MAP2: variants seen among roughly 807,000 people sequenced by gnomAD.
MAP2 encodes microtubule-associated protein 2.
In MAP2, 14 loss-of-function variants were observed where a neutral mutation model predicts 137.6. The observed-to-expected ratio is 0.10, with a 90% CI of 0.07 to 0.16. The LOEUF (loss-of-function observed/expected upper bound fraction) is 0.16, where lower values mean the gene tolerates loss of function less well. Among genes scored for constraint, MAP2 ranks in the 10% least tolerant of loss-of-function variants. The pLI is 1.00. For synonymous variants in MAP2, 786 were observed against 782.3 expected (o/e 1.00, Z -0.08); for missense variants, 2,088 against 2,191.5 (o/e 0.95, Z 0.94).
chr2:209,547,878 C>A (rs1423874571), intron 2 of MAP2, among the ~76,000 whole-genome samples: 3 of 152,104 alleles, frequency 2.0e-5, no homozygotes, highest in Non-Finnish European at 4.4e-5. Flanking sequence ...GGCTGGAATT[C>A]TTTCACATTT....
chr2:209,710,661 A>G (rs1289980205), intron 13 of MAP2: 1 of 163,020 alleles, frequency 6.1e-6, no homozygotes. Flanking sequence ...TTTCTTCCCC[A>G]AGGATTTCCT....
intron 1 of MAP2, among the ~76,000 whole-genome samples, chr2:209,498,659 C>T (rs187202970): frequency 2.9e-3 from 447 of 152,348 alleles, no homozygotes; most frequent in Non-Finnish European, 5.3e-3. Flanking sequence ...TCTGTGCACC[C>T]GCAGGCTTAA....
chr2:209,554,407 T>C (rs995951926), intron 2 of MAP2, among the ~76,000 whole-genome samples: 2 of 152,202 alleles, frequency 1.3e-5, no homozygotes, highest in Non-Finnish European at 2.9e-5. Flanking sequence ...TTCAGACAGA[T>C]GTAAGCATGG....
At chr2:209,560,665 G>A (rs2071834901) in intron 2 of MAP2, among the ~76,000 whole-genome samples, 1 of 151,962 alleles carries the variant, frequency 6.6e-6, no homozygotes, top group African/African-American at 2.4e-5. Context: ...ATTTTTTGAA[G>A]AGACAGGGTC....
At chr2:209,531,098 T>C (rs2065045754) in intron 2 of MAP2, among the ~76,000 whole-genome samples, 1 of 152,194 alleles carries the variant, frequency 6.6e-6, no homozygotes, top group Non-Finnish European at 1.5e-5. Context: ...CTATGTTTAA[T>C]TTCTGATTAG....
intron 3 of MAP2, among the ~76,000 whole-genome samples, chr2:209,581,592 A>G (rs556395074): frequency 3.3e-5 from 5 of 152,090 alleles, no homozygotes; most frequent in Admixed American, 6.6e-5. Flanking sequence ...TGTTTGGTGG[A>G]AAAAAAATCT....
At chr2:209,522,337 A>G (rs2150407956) in intron 2 of MAP2, among the ~76,000 whole-genome samples, 1 of 152,276 alleles carries the variant, frequency 6.6e-6, no homozygotes, top group East Asian at 1.9e-4. Context: ...TTTGAACTCT[A>G]AAAACTAGAG....
At chr2:209,430,087 A>G (rs1693837884) in intron 1 of MAP2, among the ~76,000 whole-genome samples, 1 of 151,364 alleles carries the variant, frequency 6.6e-6, no homozygotes, top group South Asian at 2.1e-4. Flanking sequence ...ATGATTCACT[A>G]CGTCCTTTTG....
At chr2:209,429,007 A>G (rs966641264) in intron 1 of MAP2, among the ~76,000 whole-genome samples, 3 of 151,896 alleles carry the variant, frequency 2.0e-5, no homozygotes, top group South Asian at 2.1e-4. Context: ...AGGCCGGAGT[A>G]CAGTGGCGCC....
intron 1 of MAP2, among the ~76,000 whole-genome samples, chr2:209,451,821 A>G (rs1218001439): frequency 6.6e-6 from 1 of 152,168 alleles, no homozygotes; most frequent in African/African-American, 2.4e-5. Flanking sequence ...TGGGGGACTC[A>G]GTAAGGACTT....
At chr2:209,719,035 G>T (rs200045866) in intron 13 of MAP2, among the ~76,000 whole-genome samples, 1 of 152,072 alleles carries the variant, frequency 6.6e-6, no homozygotes, top group Non-Finnish European at 1.5e-5. Context: ...AAATACTTTC[G>T]AAAGAGAGAG....
At chr2:209,678,539 C>A (rs747954303) in intron 5 of MAP2, 33 bp from the exon 6 acceptor site, 2 of 1,119,348 alleles carry the variant, frequency 1.8e-6, no homozygotes, top group Non-Finnish European at 2.6e-6. Flanking sequence ...GACTTCTCAT[C>A]GTTATATTTT....
intron 2 of MAP2, among the ~76,000 whole-genome samples, chr2:209,512,998 C>T (rs1261506531): frequency 6.6e-6 from 1 of 152,016 alleles, no homozygotes; most frequent in African/African-American, 2.4e-5. Context: ...AGTAATTTCT[C>T]TATGCTCTGT....
intron 3 of MAP2, among the ~76,000 whole-genome samples, chr2:209,617,315 G>T (rs758999838): frequency 9.9e-5 from 15 of 152,120 alleles, no homozygotes. Context: ...GAGTGAGGGG[G>T]TTATGGGTGA....
Position 209,730,331 on chromosome 2 carries a change from C to T in MAP2, c.5418C>T (p.Leu1806=), listed in dbSNP as rs541472648. The T allele has an allele frequency of 4.3e-6, 7 of 1,614,090 alleles. No individual in the cohort carries two copies. Among genetic ancestry groups the T allele is most frequent in the Non-Finnish European group, 5.9e-6 (7 of 1,180,010 alleles). ...CCTCGTCTGGAAGCATCAACCTGCT[C>T]GAATCTCCTCAGCTTGCCACTTTGG... The part of the protein sequence containing the change: ...NVSSSGSINL[L]ESPQLATLAE... Residue 1806 remains leucine, a synonymous_variant, in exon 16 of 16, where the codon CTC becomes CTT. Coordinates refer to ENST00000682079, the MANE Select transcript of MAP2 (RefSeq NM_001375505.1).
At chr2:209,615,824 A>G (rs2089108024) in intron 3 of MAP2, among the ~76,000 whole-genome samples, 2 of 152,122 alleles carry the variant, frequency 1.3e-5, no homozygotes, top group Admixed American at 6.6e-5. Context: ...CCTATTTTAC[A>G]TATACCTACT....
chr2:209,534,151 A>G (rs2065595963), intron 2 of MAP2, among the ~76,000 whole-genome samples: 1 of 152,174 alleles, frequency 6.6e-6, no homozygotes, highest in African/African-American at 2.4e-5. Flanking sequence ...TTGATGTGAG[A>G]CCTTTTGTTA....
intron 7 of MAP2, among the ~76,000 whole-genome samples, chr2:209,681,191 A>G (rs1280665650): frequency 6.6e-6 from 1 of 152,164 alleles, no homozygotes; most frequent in Non-Finnish European, 1.5e-5. Flanking sequence ...TAATCTCCAT[A>G]ATAGTAGGGG....
At chr2:209,671,926 G>A (rs1198867981) in intron 5 of MAP2, among the ~76,000 whole-genome samples, 3 of 151,780 alleles carry the variant, frequency 2.0e-5, no homozygotes, top group Admixed American at 6.6e-5. Context: ...GAATCACTCA[G>A]AAACAAGTTG....
Sources: allele counts gnomAD v4.1 joint callset (sites outside exome capture counted in the v4.1 genomes callset), GRCh38; gene constraint gnomAD v4.1.1; transcripts MANE v1.5; gene names NCBI Gene and HGNC (gene_info 2026-07-23, HGNC 2026-07-21).